Variants in ESRRG observed in about 807,000 individuals in gnomAD.
The protein encoded by ESRRG is estrogen-related receptor gamma.
A neutral mutation model predicts 44.0 loss-of-function variants in ESRRG; 13 were observed. That is an observed-to-expected ratio of 0.30 (90% CI 0.19 to 0.47). The LOEUF is 0.47. Among genes scored for constraint, ESRRG ranks in the 20% least tolerant of loss-of-function variants. The pLI, the probability that ESRRG is intolerant of heterozygous loss-of-function variation, is 1.00. For synonymous variants in ESRRG, 215 were observed against 214.6 expected (o/e 1.00, Z -0.02); for missense variants, 395 against 580.6 (o/e 0.68, Z 3.29).
At chr1:216,647,060 C>A (rs980585313) in intron 3 of ESRRG, among the ~76,000 whole-genome samples, 6 of 152,014 alleles carry the variant, frequency 3.9e-5, no homozygotes, top group African/African-American at 1.5e-4. Flanking sequence ...TGACAGTGAG[C>A]AAACTGAGCT....
chr1:216,516,668 C>CACACACACAGAGAGAGAGAGAGAG (rs376701865), intron 6 of ESRRG, among the ~76,000 whole-genome samples: 1 of 137,248 alleles, frequency 7.3e-6, no homozygotes, highest in African/African-American at 2.9e-5. Context: ...CACACACACA[C>CACACACACAGAGAGAGAGAGAGAG]AGAGAGAGAG....
At chr1:216,564,611 T>C (rs141080332) in intron 4 of ESRRG, among the ~76,000 whole-genome samples, 7 of 152,276 alleles carry the variant, frequency 4.6e-5, no homozygotes, top group Non-Finnish European at 1.0e-4. Context: ...TTCTTTGCTC[T>C]ACCTGCTTTT....
intron 1 of ESRRG, among the ~76,000 whole-genome samples, chr1:216,967,427 T>C (rs1227571161): frequency 6.6e-6 from 1 of 152,206 alleles, no homozygotes; most frequent in Non-Finnish European, 1.5e-5. Flanking sequence ...CACTGATCTT[T>C]TTTTACTGTC....
chr1:217,065,330 A>T (rs1580311749), intron 1 of ESRRG, among the ~76,000 whole-genome samples: 1 of 152,362 alleles, frequency 6.6e-6, no homozygotes. Context: ...AATCTAGTTA[A>T]CTTCCCAATT....
Position 216,584,478 on chromosome 1 carries a change from G to A in ESRRG, c.590-16380C>T, listed in dbSNP as rs541439625. Among the ~76,000 whole-genome samples the A allele has an allele frequency of 9.2e-5, 14 of 151,962 alleles. 1 individual carries two copies. The highest frequency in any genetic ancestry group is 2.7e-4 in the African/African-American group (11 of 41,438). On this transcript the variant is annotated intron_variant, in intron 3 of 6. Transcript: ENST00000408911. ...TCACCGTGTTGGCCAGGATGGTCTC[G>A]ATCTCCTGACCTCGTGATCCACCCA...
chr1:216,603,083 T>C (rs2059456797), intron 3 of ESRRG, among the ~76,000 whole-genome samples: 2 of 152,180 alleles, frequency 1.3e-5, no homozygotes, highest in African/African-American at 2.4e-5. Flanking sequence ...TCTACACTGA[T>C]CAGAATACCA....
Position 216,808,143 on chromosome 1 carries a change from T to A in ESRRG, c.-13-130652A>T, listed in dbSNP as rs1156913273. ...TTGAGACTCCTTTCAGGGAGGGGTCTCTTTGATGGAATTTGGAGAAACATC... is the reference window on the plus strand; with the variant it reads ...TTGAGACTCCTTTCAGGGAGGGGTCACTTTGATGGAATTTGGAGAAACATC... On this transcript the variant is annotated intron_variant, in intron 2 of 7. Transcript: ENST00000359162. Among the ~76,000 whole-genome samples, 3 of 152,176 alleles carry A rather than the reference T, an allele frequency of 2.0e-5. No individual in the cohort carries two copies. In the East Asian group the frequency reaches 5.8e-4, roughly 29 times the overall value.
At chr1:216,950,003 G>A (rs1441515749) in intron 1 of ESRRG, among the ~76,000 whole-genome samples, 1 of 150,696 alleles carries the variant, frequency 6.6e-6, no homozygotes, top group African/African-American at 2.5e-5. Flanking sequence ...AGTTGAGAAG[G>A]GGTTTCGCCA....
intron 1 of ESRRG, among the ~76,000 whole-genome samples, chr1:216,708,661 C>G (rs1041364443): frequency 6.6e-6 from 1 of 152,122 alleles, no homozygotes; most frequent in Non-Finnish European, 1.5e-5. Flanking sequence ...TGTGGTGATT[C>G]CTCGAGGATG....
intron 2 of ESRRG, among the ~76,000 whole-genome samples, chr1:216,840,137 C>A (rs1317146394): frequency 6.6e-6 from 1 of 152,194 alleles, no homozygotes; most frequent in Non-Finnish European, 1.5e-5. Context: ...GCTGTTTCAT[C>A]TACACTGAAA....
intron 3 of ESRRG, among the ~76,000 whole-genome samples, chr1:216,594,118 A>G (rs2058096519): frequency 6.6e-6 from 1 of 152,156 alleles, no homozygotes; most frequent in South Asian, 2.1e-4. Flanking sequence ...ATGAGAGTTG[A>G]GGTCAAATTC....
chr1:216,603,165 C>G (rs146703517), intron 3 of ESRRG, among the ~76,000 whole-genome samples: 1 of 152,142 alleles, frequency 6.6e-6, no homozygotes, highest in Non-Finnish European at 1.5e-5. Flanking sequence ...GCTGAAATGA[C>G]ATTTTTGAAT....
intron 2 of ESRRG, among the ~76,000 whole-genome samples, chr1:216,797,713 T>G (rs1473973485): frequency 6.6e-6 from 1 of 152,146 alleles, no homozygotes; most frequent in East Asian, 1.9e-4. Flanking sequence ...GACCTAGATG[T>G]TGTTTTCATC....
intron 1 of ESRRG, among the ~76,000 whole-genome samples, chr1:216,690,811 G>A (rs990278064): frequency 1.3e-5 from 2 of 152,044 alleles, no homozygotes; most frequent in Non-Finnish European, 2.9e-5. Context: ...CAGAATTACA[G>A]GCAAAGCCCA....
intron 1 of ESRRG, among the ~76,000 whole-genome samples, chr1:216,976,156 G>GA (rs955241915): frequency 5.3e-5 from 8 of 151,730 alleles, no homozygotes; most frequent in African/African-American, 1.9e-4. Context: ...CAAAAAGTTT[G>GA]AAAAAAATTG....
intron 2 of ESRRG, among the ~76,000 whole-genome samples, chr1:216,913,196 A>C (rs778103670): frequency 1.3e-5 from 2 of 151,976 alleles, no homozygotes; most frequent in Admixed American, 6.6e-5. Flanking sequence ...TCTACTCAAC[A>C]TGTGCAGACT....
intron 3 of ESRRG, among the ~76,000 whole-genome samples, chr1:216,633,427 A>G (rs2064660536): frequency 6.6e-6 from 1 of 152,244 alleles, no homozygotes; most frequent in Non-Finnish European, 1.5e-5. Flanking sequence ...GTCATTTGCA[A>G]TATTATATGC....
At chr1:216,687,656 C>T (rs1205046359) in intron 1 of ESRRG, among the ~76,000 whole-genome samples, 2 of 152,196 alleles carry the variant, frequency 1.3e-5, no homozygotes, top group African/African-American at 4.8e-5. Context: ...TCTCCTACAT[C>T]TGAAGATTGC....
intron 2 of ESRRG, among the ~76,000 whole-genome samples, chr1:216,837,614 G>A (rs1244508407): frequency 6.6e-6 from 1 of 152,076 alleles, no homozygotes; most frequent in Non-Finnish European, 1.5e-5. Context: ...TGGTCATCAA[G>A]AGAATCTGAG....
Sources: allele counts gnomAD v4.1 joint callset (sites outside exome capture counted in the v4.1 genomes callset), GRCh38; gene constraint gnomAD v4.1.1; transcripts MANE v1.5; gene names NCBI Gene and HGNC (gene_info 2026-07-23, HGNC 2026-07-21).